Variants in AK9 observed in about 807,000 individuals in gnomAD.
The protein encoded by AK9 is adenylate kinase domain containing 1.
A neutral mutation model predicts 239.6 loss-of-function variants in AK9; 191 were observed. That is an observed-to-expected ratio of 0.80 (90% CI 0.71 to 0.90). The LOEUF (loss-of-function observed/expected upper bound fraction) is 0.90, where lower values mean the gene tolerates loss of function less well. AK9 is among the 40% of genes least tolerant of loss of function. The probability of loss-of-function intolerance (pLI) is 0.00; values close to 1 mark genes in which losing one functional copy is unlikely to be tolerated. For missense variants in AK9, 1,995 were observed against 2,214.7 expected (o/e 0.90, Z 1.99); for synonymous variants, 689 against 721.0 (o/e 0.96, Z 0.71).
At chr6:109,648,199 CA>C (rs748623161) in intron 8 of AK9, among the ~76,000 whole-genome samples, 30 of 152,062 alleles carry the variant, frequency 2.0e-4, no homozygotes, top group Non-Finnish European at 3.4e-4. Context: ...CAAGAGCAAA[CA>C]CATTGAAAAG....
chr6:109,541,233 G>C (rs1180141637), intron 27 of AK9, among the ~76,000 whole-genome samples: 1 of 152,132 alleles, frequency 6.6e-6, no homozygotes, highest in Non-Finnish European at 1.5e-5. Flanking sequence ...GGAAAAAATA[G>C]AGAAAGGCCT....
intron 27 of AK9, 69 bp downstream of exon 27, chr6:109,541,978 C>T (rs766999521): frequency 2.4e-4 from 321 of 1,315,828 alleles, no homozygotes; most frequent in Non-Finnish European, 2.9e-4. Flanking sequence ...TGTTAAACTA[C>T]ATTTTTAACT....
intron 17 of AK9, among the ~76,000 whole-genome samples, chr6:109,599,428 G>A (rs1056168192): frequency 1.3e-5 from 2 of 152,122 alleles, no homozygotes; most frequent in African/African-American, 4.8e-5. Flanking sequence ...TGTTCCATTG[G>A]TCTATGTATC....
intron 17 of AK9, among the ~76,000 whole-genome samples, chr6:109,589,959 C>G (rs112400682): frequency 6.6e-6 from 1 of 152,036 alleles, no homozygotes; most frequent in Non-Finnish European, 1.5e-5. Context: ...GTTCCTGAAT[C>G]TGGTTTGCTA....
At position 109,577,886 on chromosome 6, in the gene AK9, CCT is replaced by C. The variant is rs1345299068; in HGVS notation, c.2191+1662_2191+1663del. ...TTTCTTTCTTTTTCTTTCCTTCTTT[CCT>C]TCTCTCTCTCTTTCTCTCTTTCTTT... On this transcript the variant is annotated intron_variant, in intron 20 of 40. Coordinates refer to ENST00000424296, the MANE Select transcript of AK9 (RefSeq NM_001145128.3). 1.6e-4 allele frequency among the ~76,000 whole-genome samples: 20 copies of C among 121,578 alleles called. No individual in the cohort carries two copies. In the East Asian group the frequency reaches 4.9e-3, roughly 30 times the overall value. 79.8% of individuals were successfully genotyped at this position (121,578 alleles called of 152,430 possible). A position where few individuals can be genotyped will look rare whatever the true frequency, so the allele number is the denominator to read the frequency against.
chr6:109,546,882 T>C (rs1195077588), intron 25 of AK9, among the ~76,000 whole-genome samples: 1 of 152,178 alleles, frequency 6.6e-6, no homozygotes, highest in African/African-American at 2.4e-5. Flanking sequence ...ACTAGGGCTG[T>C]CTGGTGCTCA....
At chr6:109,613,650 C>A (rs1793827755) in intron 15 of AK9, among the ~76,000 whole-genome samples, 1 of 151,240 alleles carries the variant, frequency 6.6e-6, no homozygotes, top group African/African-American at 2.4e-5. Flanking sequence ...TTAAATGGTA[C>A]ATTATAAGTA....
intron 1 of AK9, among the ~76,000 whole-genome samples, chr6:109,678,990 C>A (rs571783044): frequency 6.6e-6 from 1 of 152,192 alleles, no homozygotes; most frequent in Non-Finnish European, 1.5e-5. Flanking sequence ...CTGATGCCTA[C>A]GCCACCAGGG....
At chr6:109,671,543 C>T (rs1454026518) in intron 5 of AK9, among the ~76,000 whole-genome samples, 6 of 152,138 alleles carry the variant, frequency 3.9e-5, no homozygotes, top group African/African-American at 7.2e-5. Flanking sequence ...TTCCCACTCC[C>T]GCCTTCTAAG....
intron 25 of AK9, 67 bp from the exon 26 acceptor site, chr6:109,546,194 A>G (rs1215343005): frequency 4.2e-6 from 6 of 1,413,788 alleles, no homozygotes; most frequent in Non-Finnish European, 5.7e-6. Flanking sequence ...AGTTTTGAGT[A>G]ATTTAGAACA....
chr6:109,656,956 C>G (rs1259759497), intron 7 of AK9, 72 bp from the exon 8 acceptor site: 1 of 1,522,870 alleles, frequency 6.6e-7, no homozygotes, highest in Non-Finnish European at 9.0e-7. Flanking sequence ...ATATTCCCCA[C>G]TCCTTACACC....
At chr6:109,687,128 C>T (rs1773621935) in intron 1 of AK9, among the ~76,000 whole-genome samples, 1 of 152,072 alleles carries the variant, frequency 6.6e-6, no homozygotes, top group Non-Finnish European at 1.5e-5. Flanking sequence ...CACAAGTGGC[C>T]CTGAAAAATG....
At chr6:109,500,593 T>C (rs1263802573) in intron 35 of AK9, among the ~76,000 whole-genome samples, 1 of 152,180 alleles carries the variant, frequency 6.6e-6, no homozygotes, top group Non-Finnish European at 1.5e-5. Flanking sequence ...GCAAAAATCA[T>C]AGTTTGTTTT....
Position 109,533,423 on chromosome 6 carries a change from GC to G in AK9, c.3397del (p.Ala1133ProfsTer38). On this transcript the variant is annotated frameshift_variant, in exon 28 of 41. Coordinates refer to ENST00000424296, the MANE Select transcript of AK9 (RefSeq NM_001145128.3). LOFTEE classifies it high-confidence loss of function. Reference protein sequence around the residue: ...LDGFPRYPEEAQFLGDRGFFP... With the variant: ...LDGFPRYPEEXQFLGDRGFFP... ...AAATCCACGATCTCCCAAAAACTGGGCCTCTTCTGGATATCGTGGGAAACCA... is the reference window on the plus strand; with the variant it reads ...AAATCCACGATCTCCCAAAAACTGGGCTCTTCTGGATATCGTGGGAAACCA... 6.2e-7 allele frequency: 1 copy of G among 1,610,984 alleles called. No homozygotes were observed. The highest frequency in any genetic ancestry group is 1.3e-5 in the African/African-American group (1 of 74,930).
At chr6:109,599,143 C>T (rs937722811) in intron 17 of AK9, among the ~76,000 whole-genome samples, 1 of 152,144 alleles carries the variant, frequency 6.6e-6, no homozygotes, top group Non-Finnish European at 1.5e-5. Context: ...ACATGAAGTC[C>T]TTGCCTATTC....
chr6:109,606,426 T>C (rs1194775868), intron 17 of AK9, among the ~76,000 whole-genome samples: 1 of 151,986 alleles, frequency 6.6e-6, no homozygotes, highest in African/African-American at 2.4e-5. Flanking sequence ...CAAGAACAGA[T>C]AGGTACAGAT....
At chr6:109,617,723 A>C (rs1014719697) in intron 13 of AK9, among the ~76,000 whole-genome samples, 13 of 152,218 alleles carry the variant, frequency 8.5e-5, no homozygotes, top group African/African-American at 3.1e-4. Flanking sequence ...CCATAGGATC[A>C]CAATTAACCA....
At chr6:109,524,277 G>GA in intron 29 of AK9, among the ~76,000 whole-genome samples, 1 of 152,002 alleles carries the variant, frequency 6.6e-6, no homozygotes, top group South Asian at 2.1e-4. Flanking sequence ...AGAAGAGAGA[G>GA]AAAAAAGATG....
chr6:109,556,557 G>A (rs910102396), intron 24 of AK9, among the ~76,000 whole-genome samples: 11 of 152,174 alleles, frequency 7.2e-5, no homozygotes, highest in Admixed American at 2.0e-4. Flanking sequence ...GGCTTTTCTT[G>A]CTAGATTGAG....
Sources: allele counts gnomAD v4.1 joint callset (sites outside exome capture counted in the v4.1 genomes callset), GRCh38; gene constraint gnomAD v4.1.1; transcripts MANE v1.5; gene names NCBI Gene and HGNC (gene_info 2026-07-23, HGNC 2026-07-21).